Variants in MTMR8 observed in about 807,000 individuals in gnomAD.
MTMR8 encodes myotubularin related protein 8.
MTMR8 carries 65 observed loss-of-function variants against 39.3 expected under a neutral mutation model. The ratio of observed to expected loss-of-function variants is 1.65; its 90% CI spans 1.35 to 2.03. MTMR8 has a LOEUF of 2.03. Ranked by LOEUF, MTMR8 falls within the 30% of genes most tolerant of loss-of-function variation. MTMR8 has a pLI of 0.00. For synonymous variants in MTMR8, 245 were observed against 185.2 expected (o/e 1.32, Z -2.62); for missense variants, 777 against 538.9 (o/e 1.44, Z -4.37).
chrX:64,336,661 G>C (rs1009885886), intron 9 of MTMR8, among the ~76,000 whole-genome samples: 1 of 110,831 alleles, frequency 9.0e-6, no homozygotes, highest in Non-Finnish European at 1.9e-5. Context: ...GCCAAGCATG[G>C]TGGTGCACAT....
At chrX:64,361,427 A>G (rs1923776788) in intron 1 of MTMR8, among the ~76,000 whole-genome samples, 1 of 111,937 alleles carries the variant, frequency 8.9e-6, no homozygotes, top group Non-Finnish European at 1.9e-5. Context: ...TATGAAATGT[A>G]GACACAAAAA....
intron 12 of MTMR8, among the ~76,000 whole-genome samples, chrX:64,294,167 T>C (rs1921490576): frequency 8.9e-6 from 1 of 112,143 alleles, no homozygotes; most frequent in Non-Finnish European, 1.9e-5. Context: ...TATAGAGAGT[T>C]AAATAAGAGC....
At chrX:64,394,349 G>A (rs1462245339) in intron 1 of MTMR8, among the ~76,000 whole-genome samples, 1 of 111,754 alleles carries the variant, frequency 8.9e-6, no homozygotes, top group Non-Finnish European at 1.9e-5. Context: ...GGCTCAGAGA[G>A]GTTAAATAAT....
intron 12 of MTMR8, among the ~76,000 whole-genome samples, chrX:64,324,090 C>A (rs969047387): frequency 4.4e-5 from 5 of 112,778 alleles, no homozygotes; most frequent in African/African-American, 1.6e-4. Flanking sequence ...TGCCCAGGCA[C>A]AGTAGCTTAT....
At chrX:64,305,590 G>T (rs1406320617) in intron 12 of MTMR8, 2 of 507,064 alleles carry the variant, frequency 3.9e-6, no homozygotes, top group Non-Finnish European at 7.4e-6. Flanking sequence ...ACAGCTTGAG[G>T]TGCAGCAGTC....
intron 12 of MTMR8, among the ~76,000 whole-genome samples, chrX:64,302,214 C>T (rs766652352): frequency 2.1e-4 from 24 of 112,504 alleles, no homozygotes; most frequent in African/African-American, 6.4e-4. Context: ...TAGCAATCAG[C>T]GAGATTCCGC....
chrX:64,268,681 G>A lies in MTMR8; in HGVS notation c.1971C>T (p.Ala657=). Reference sequence around the variant, plus strand: ...TGCCAGTGGCCTCAGAGATGTCCATGGCCCCACAGATTCCTAAGTCTTTGG... The same window carrying A: ...TGCCAGTGGCCTCAGAGATGTCCATAGCCCCACAGATTCCTAAGTCTTTGG... ...GFSKDLGICG[A]MDISEATGIS... Residue 657 remains alanine, a synonymous_variant, in exon 14 of 14, where the codon GCC becomes GCT. Transcript: ENST00000374852. The A allele has an allele frequency of 1.7e-6, 2 of 1,211,510 alleles. No individual in the cohort carries two copies. Among genetic ancestry groups the A allele is most frequent in the Admixed American group, 2.2e-5 (1 of 45,992 alleles).
intron 1 of MTMR8, among the ~76,000 whole-genome samples, chrX:64,385,104 A>T (rs1190884301): frequency 8.9e-6 from 1 of 112,130 alleles, no homozygotes; most frequent in East Asian, 2.8e-4. Context: ...AATTTTTTTC[A>T]TGCCAGATAC....
At chrX:64,370,695 G>C (rs1172602108) in intron 1 of MTMR8, among the ~76,000 whole-genome samples, 1 of 111,882 alleles carries the variant, frequency 8.9e-6, no homozygotes, top group Non-Finnish European at 1.9e-5. Context: ...GGGAGCAATA[G>C]GCTATATACC....
chrX:64,300,214 T>G (rs1043281481), intron 12 of MTMR8, among the ~76,000 whole-genome samples: 1 of 109,215 alleles, frequency 9.2e-6, no homozygotes, highest in Non-Finnish European at 1.9e-5. Context: ...TGTGGGAGTC[T>G]AAGTCTCTTT....
intron 1 of MTMR8, among the ~76,000 whole-genome samples, chrX:64,371,316 A>G (rs1484718002): frequency 8.9e-6 from 1 of 112,531 alleles, no homozygotes; most frequent in Non-Finnish European, 1.9e-5. Flanking sequence ...AAATGTGATG[A>G]GTTAAATTTC....
intron 1 of MTMR8, among the ~76,000 whole-genome samples, chrX:64,377,714 G>T (rs1020762861): frequency 1.8e-5 from 2 of 112,178 alleles, no homozygotes; most frequent in Admixed American, 1.9e-4. Context: ...ATGCTAGAAT[G>T]AGTTAAGACT....
rs766668643 is a variant in MTMR8 at position 64,356,212 on chromosome X, C to A, written c.274G>T (p.Glu92Ter). The change falls in exon 3 of 14, where the codon GAG becomes TAG. Residue 92 changes from glutamate to a stop codon, truncating the protein, a stop_gained. Transcript: ENST00000374852. LOFTEE classifies it high-confidence loss of function. ...FVLDSDLVCHEVYISLLKLSQ... is the reference protein window; with the variant it reads ...FVLDSDLVCH ...AGCTTGAGCAGTGAAATATAAACCT[C>A]ATGGCACACAAGGTCAGAATCTAAA... The A allele has an allele frequency of 1.7e-6, 2 of 1,208,041 alleles. No homozygotes were observed. The highest frequency in any genetic ancestry group is 3.6e-5 in the South Asian group (2 of 56,225).
At chrX:64,347,624 C>T (rs1923377280) in intron 6 of MTMR8, among the ~76,000 whole-genome samples, 1 of 112,305 alleles carries the variant, frequency 8.9e-6, no homozygotes, top group African/African-American at 3.2e-5. Context: ...CTGGCTTAGG[C>T]TTAGATGAAA....
At chrX:64,334,586 A>G (rs5964765) in intron 10 of MTMR8, among the ~76,000 whole-genome samples, 12,859 of 105,100 alleles carry the variant, frequency 0.12, 2,016 homozygotes, top group African/African-American at 0.42. Context: ...AAAAAAAAAA[A>G]AAAAAAAAAC....
chrX:64,320,603 T>A (rs990826598), intron 12 of MTMR8, among the ~76,000 whole-genome samples: 1 of 108,393 alleles, frequency 9.2e-6, no homozygotes, highest in Non-Finnish European at 1.9e-5. Flanking sequence ...AGGCAAGGGA[T>A]AATAGATGGA....
rs766150746 is a variant in MTMR8 at position 64,331,717 on chromosome X, T to C, written c.1192A>G (p.Ile398Val). 2 of 1,210,611 alleles carry C rather than the reference T, an allele frequency of 1.7e-6. No homozygotes were observed. Among genetic ancestry groups the C allele is most frequent in the Admixed American group, 4.4e-5 (2 of 45,953 alleles). ...LDGDSKEVSP[I>V]FTQFLDCIWQ... ...ATACAGTCTAGGAACTGGGTGAAGA[T>C]AGGGGACACTTCTTTAGAGTCCCCA... The change falls in exon 11 of 14, where the codon ATC (isoleucine) becomes GTC (valine). Residue 398 changes from isoleucine (I) to valine (V), a missense_variant. Physicochemically the swap from Ile to Val is conservative, Grantham distance 29. Coordinates refer to ENST00000374852, the MANE Select transcript of MTMR8 (RefSeq NM_017677.4).
rs190414232 is a variant in MTMR8 at position 64,388,773 on chromosome X, G to A, written c.24+6567C>T. Reference sequence around the variant, plus strand: ...TGGTCAGCATAGGGGAACACTGGGTGAAACAAACATAAGCAGGTTTATTGC... The same window carrying A: ...TGGTCAGCATAGGGGAACACTGGGTAAAACAAACATAAGCAGGTTTATTGC... On this transcript the variant is annotated intron_variant, in intron 1 of 13. Transcript: ENST00000374852. Among the ~76,000 whole-genome samples, 7 of 112,563 alleles carry A rather than the reference G, an allele frequency of 6.2e-5. No homozygotes were observed. The Admixed American group carries it at 6.6e-4, about 11-fold the overall frequency.
intron 9 of MTMR8, 118 bp from the exon 10 acceptor site, chrX:64,336,246 A>G (rs192422174): frequency 2.2e-6 from 1 of 461,765 alleles, no homozygotes; most frequent in East Asian, 4.1e-5. Flanking sequence ...AAAATAGTTA[A>G]TTTCCTAAAT....
Sources: gnomAD v4.1 joint callset for allele counts (sites outside exome capture counted in the v4.1 genomes callset) on GRCh38, gnomAD v4.1.1 for gene constraint, MANE v1.5 for transcripts, NCBI Gene and HGNC (gene_info 2026-07-23, HGNC 2026-07-21) for gene names.